The following KDSR variants were observed in gnomAD, a reference collection of about 807,000 sequenced individuals.
KDSR encodes 3-dehydrosphinganine reductase.
KDSR carries 23 observed loss-of-function variants against 41.3 expected under a neutral mutation model. The ratio of observed to expected loss-of-function variants is 0.56; its 90% CI spans 0.40 to 0.79. The LOEUF (loss-of-function observed/expected upper bound fraction) is 0.79, where lower values mean the gene tolerates loss of function less well. KDSR is among the 30% of genes least tolerant of loss of function. KDSR has a pLI of 0.00. For missense variants in KDSR, 351 were observed against 416.8 expected (o/e 0.84, Z 1.37); for synonymous variants, 138 against 151.7 (o/e 0.91, Z 0.66).
rs1038217427 is a variant in KDSR at position 63,331,365 on chromosome 18, G to C, written c.*417C>G. On this transcript the variant is annotated 3_prime_UTR_variant, in exon 10 of 10. Coordinates refer to ENST00000645214, the MANE Select transcript of KDSR (RefSeq NM_002035.4). ...GAGAGAACCCGAGAAACCGAAAATT[G>C]TTTTTTTATGGAAGGTTTAAACAAA... 1 of 232,890 alleles carries C rather than the reference G, an allele frequency of 4.3e-6. No individual in the cohort carries two copies. The highest frequency in any genetic ancestry group is 8.5e-6 in the Non-Finnish European group (1 of 118,058). 14.4% of individuals were successfully genotyped at this position (232,890 alleles called of 1,614,324 possible).
chr18:63,359,538 T>C (rs1050787276), intron 3 of KDSR, 198 bp downstream of exon 3: 6 of 453,682 alleles, frequency 1.3e-5, no homozygotes, highest in Non-Finnish European at 2.3e-5. Context: ...CATTTGTAGA[T>C]ATGAATGTGT....
intron 5 of KDSR, among the ~76,000 whole-genome samples, chr18:63,353,143 T>C (rs1914701777): frequency 6.6e-6 from 1 of 151,704 alleles, no homozygotes; most frequent in Non-Finnish European, 1.5e-5. Flanking sequence ...ATTGAGCCAC[T>C]GCACTCCAGC....
rs1349260219 is a variant in KDSR at position 63,330,045 on chromosome 18, C to T, written c.*1737G>A. The T allele has an allele frequency of 5.4e-6, 1 of 184,182 alleles. No individual in the cohort carries two copies. Among genetic ancestry groups the T allele is most frequent in the African/African-American group, 2.4e-5 (1 of 42,546 alleles). The allele number at this position is 184,182 out of a possible 1,614,324, so 11.4% of individuals were successfully genotyped here. A position where few individuals can be genotyped will look rare whatever the true frequency, so the allele number is the denominator to read the frequency against. On this transcript the variant is annotated 3_prime_UTR_variant, in exon 10 of 10. Coordinates refer to ENST00000645214, the MANE Select transcript of KDSR (RefSeq NM_002035.4). ...TTTATATATTAAATAATAATTTCTT[C>T]TGTATCTATCAGTGTTTAAAATATG...
chr18:63,351,511 G>C (rs531003976), intron 5 of KDSR, among the ~76,000 whole-genome samples: 1 of 152,292 alleles, frequency 6.6e-6, no homozygotes, highest in Non-Finnish European at 1.5e-5. Context: ...TAAAGTTTTG[G>C]TTTCAAGCCT....
In KDSR at chr18:63,357,586, A is replaced by G. The variant is rs1402267289; in HGVS notation, c.256-2023T>C. Among the ~76,000 whole-genome samples the G allele has an allele frequency of 4.9e-3, 319 of 64,666 alleles. 4 individuals carry two copies. The highest frequency in any genetic ancestry group is 0.019 in the African/African-American group (281 of 15,162). The allele number at this position is 64,666 out of a possible 152,430, so 42.4% of individuals were successfully genotyped here. A position where few individuals can be genotyped will look rare whatever the true frequency, so the allele number is the denominator to read the frequency against. On this transcript the variant is annotated intron_variant, in intron 3 of 9. Transcript: ENST00000645214. ...TACATACATACATATATATATATAT[A>G]TATATATATTTTTTTTTGAGATGGA...
chr18:63,335,110 A>G, intron 9 of KDSR, 147 bp downstream of exon 9: 1 of 582,282 alleles, frequency 1.7e-6, no homozygotes, highest in South Asian at 2.2e-5. Flanking sequence ...CTGGTGGAGG[A>G]AGAGGAAAAG....
chr18:63,346,146 G>C (rs769363111), intron 6 of KDSR: 11 of 152,112 alleles, frequency 7.2e-5, no homozygotes, highest in Non-Finnish European at 1.6e-4. Context: ...AGTCGTGAAA[G>C]TGAGATGTCT....
intron 1 of KDSR, among the ~76,000 whole-genome samples, chr18:63,364,518 A>G (rs1162435962): frequency 6.6e-6 from 1 of 151,428 alleles, no homozygotes; most frequent in Non-Finnish European, 1.5e-5. Context: ...ATCTCAGCTC[A>G]CTGCAACCTC....
intron 7 of KDSR, among the ~76,000 whole-genome samples, chr18:63,340,304 AT>A (rs1306245921): frequency 1.3e-5 from 2 of 152,222 alleles, no homozygotes; most frequent in African/African-American, 4.8e-5. Flanking sequence ...TTTGGCTTAA[AT>A]TTACTTCTTT....
chr18:63,349,406 A>G (rs1189971837), intron 6 of KDSR, among the ~76,000 whole-genome samples: 1 of 152,218 alleles, frequency 6.6e-6, no homozygotes, highest in Non-Finnish European at 1.5e-5. Flanking sequence ...TAAAATAAAA[A>G]TAAATAAAAC....
chr18:63,361,221 AAAAAAAAAAAAAAAAAG>A (rs1218971543), intron 2 of KDSR, among the ~76,000 whole-genome samples: 1 of 130,990 alleles, frequency 7.6e-6, no homozygotes, highest in Admixed American at 7.8e-5. Flanking sequence ...AAAAAAAAAA[AAAAAAAAAAAAAAAAAG>A]AATGAATTAC....
chr18:63,357,545 C>CAT (rs1914830761), intron 3 of KDSR, among the ~76,000 whole-genome samples: 1 of 141,222 alleles, frequency 7.1e-6, no homozygotes, highest in Non-Finnish European at 1.5e-5. Context: ...TATATATACA[C>CAT]ATATATATAC....
chr18:63,357,959 C>T (rs566992060), intron 3 of KDSR, among the ~76,000 whole-genome samples: 12 of 152,056 alleles, frequency 7.9e-5, no homozygotes, highest in East Asian at 3.9e-4. Context: ...GGGCGGATCA[C>T]GAGGTTGGGA....
intron 1 of KDSR, among the ~76,000 whole-genome samples, chr18:63,363,277 T>G (rs1181430922): frequency 2.1e-5 from 3 of 145,328 alleles, no homozygotes; most frequent in South Asian, 4.6e-4. Flanking sequence ...TTGTGCAGGT[T>G]AGTTACATAT....
chr18:63,363,859 C>G (rs1915060800), intron 1 of KDSR, among the ~76,000 whole-genome samples: 1 of 152,184 alleles, frequency 6.6e-6, no homozygotes, highest in Non-Finnish European at 1.5e-5. Flanking sequence ...CTAATATTCA[C>G]TGTTATACAT....
At chr18:63,335,120 GT>G (rs1914117145) in intron 9 of KDSR, 136 bp downstream of exon 9, 1 of 599,004 alleles carries the variant, frequency 1.7e-6, no homozygotes. Context: ...AAGAGGAAAA[GT>G]TGATAGCTCC....
At chr18:63,335,702 T>A (rs991360885) in intron 8 of KDSR, 1 of 171,186 alleles carries the variant, frequency 5.8e-6, no homozygotes, top group African/African-American at 2.4e-5. Flanking sequence ...CAAACTGTAC[T>A]AGGAGTCATT....
At position 63,331,755 on chromosome 18, in the gene KDSR, AC is replaced by A. The variant is rs775881039; in HGVS notation, c.*26del. ...AGCAAGCTGTTCAAATTATTTGGAAACAGTCTTCTTCCAAGGGGTAAGAAGA... is the reference window on the plus strand; with the variant it reads ...AGCAAGCTGTTCAAATTATTTGGAAAAGTCTTCTTCCAAGGGGTAAGAAGA... On this transcript the variant is annotated 3_prime_UTR_variant, in exon 10 of 10. Coordinates refer to ENST00000645214, the MANE Select transcript of KDSR (RefSeq NM_002035.4). 6.0e-4 allele frequency: 971 copies of A among 1,605,816 alleles called. 1 individual carries two copies. Among genetic ancestry groups the A allele is most frequent in the Non-Finnish European group, 7.7e-4 (906 of 1,176,378 alleles).
chr18:63,362,744 A>G (rs754930554), intron 2 of KDSR, 35 bp downstream of exon 2: 15 of 1,415,114 alleles, frequency 1.1e-5, no homozygotes, highest in Non-Finnish European at 1.4e-5. Flanking sequence ...CAAGTCGAAG[A>G]AGCAAGTCAG....
Sources: allele counts gnomAD v4.1 joint callset (sites outside exome capture counted in the v4.1 genomes callset), GRCh38; gene constraint gnomAD v4.1.1; transcripts MANE v1.5; gene names NCBI Gene and HGNC (gene_info 2026-07-23, HGNC 2026-07-21).